The following CBLL1 variants were observed in gnomAD, a reference collection of about 807,000 sequenced individuals.
CBLL1 encodes Cbl proto-oncogene like 1.
A neutral mutation model predicts 44.9 loss-of-function variants in CBLL1; 4 were observed. The observed-to-expected ratio is 0.09, with a 90% CI of 0.04 to 0.20. CBLL1 has a LOEUF of 0.20. Ranked by LOEUF, CBLL1 falls within the 10% of genes least tolerant of loss-of-function variation. The pLI is 1.00. For synonymous variants in CBLL1, 235 were observed against 202.2 expected, an observed-to-expected ratio of 1.16 and a Z score of -1.38; for missense variants, 569 against 636.7, an observed-to-expected ratio of 0.89 and a Z score of 1.14.
At position 107,755,498 on chromosome 7, in the gene CBLL1, T is replaced by C. The variant is rs752856534; in HGVS notation, c.440+7T>C. 39 of 1,497,502 alleles carry C rather than the reference T, an allele frequency of 2.6e-5. No homozygotes were observed. The highest frequency in any genetic ancestry group is 2.7e-5 in the Non-Finnish European group (30 of 1,098,378). The allele number at this position is 1,497,502 out of a possible 1,614,324, so 92.8% of individuals were successfully genotyped here. ...GAGATAAGATGTGTCCAGGGTAAGA[T>C]AAGATTATCATTACCTTTTTTAAAT... On this transcript the variant is annotated splice_region_variant and intron_variant, in intron 5 of 5. Coordinates refer to ENST00000440859, the MANE Select transcript of CBLL1 (RefSeq NM_024814.4).
chr7:107,752,690 A>T (rs1474451236), intron 2 of CBLL1: 13 of 763,174 alleles, frequency 1.7e-5, no homozygotes, highest in Non-Finnish European at 2.4e-5. Context: ...AGTTGAGAAG[A>T]TTGCCATCAA....
At chr7:107,752,067 CG>C (rs1462366336) in intron 2 of CBLL1, among the ~76,000 whole-genome samples, 1 of 151,666 alleles carries the variant, frequency 6.6e-6, no homozygotes, top group Non-Finnish European at 1.5e-5. Flanking sequence ...GGTGTGGTGG[CG>C]GGTGCCTGTA....
At chr7:107,751,287 G>A (rs1793278464) in intron 2 of CBLL1, among the ~76,000 whole-genome samples, 1 of 152,206 alleles carries the variant, frequency 6.6e-6, no homozygotes, top group Non-Finnish European at 1.5e-5. Flanking sequence ...ACGGGAGGCG[G>A]AGGCAGAGGT....
intron 3 of CBLL1, 28 bp downstream of exon 3, chr7:107,753,539 A>G: frequency 1.5e-6 from 2 of 1,294,368 alleles, no homozygotes; most frequent in Non-Finnish European, 1.1e-6. Context: ...AAATTGTATT[A>G]TAACAATAAA....
At chr7:107,746,730 C>G (rs1472825270) in intron 1 of CBLL1, among the ~76,000 whole-genome samples, 5 of 152,070 alleles carry the variant, frequency 3.3e-5, no homozygotes, top group African/African-American at 1.2e-4. Context: ...ATGATCATAC[C>G]GAAACATTCA....
chr7:107,754,427 A>G (rs1211041875), intron 4 of CBLL1, among the ~76,000 whole-genome samples: 33 of 152,100 alleles, frequency 2.2e-4, no homozygotes. Flanking sequence ...AATTATAATC[A>G]TTAAAAAAAT....
intron 5 of CBLL1, among the ~76,000 whole-genome samples, chr7:107,757,099 CAA>C (rs1793560927): frequency 6.6e-6 from 1 of 152,088 alleles, no homozygotes; most frequent in Non-Finnish European, 1.5e-5. Flanking sequence ...AGACACAACT[CAA>C]AATCAAGAGT....
chr7:107,755,199 A>G (rs1161311386), intron 4 of CBLL1, among the ~76,000 whole-genome samples: 1 of 152,158 alleles, frequency 6.6e-6, no homozygotes, highest in Non-Finnish European at 1.5e-5. Context: ...AAGCAAATGC[A>G]TGTGTGTACA....
chr7:107,758,530 G>A lies in CBLL1; in HGVS notation c.828G>A (p.Ser276=), dbSNP rs1480619333. Residue 276 remains serine (S), a synonymous_variant, in exon 6 of 6, where the codon TCG becomes TCA. Coordinates refer to ENST00000440859, the MANE Select transcript of CBLL1 (RefSeq NM_024814.4). This position sits in a 1 kb window ranked among gnomAD's most constrained non-coding sequence, Gnocchi z 4.2. ...CCATGGCTCCACCTCCACCTCGATC[G>A]GTCAGTCAGGAAACCTTTCGTATTT... is the stretch of plus-strand genomic sequence containing the variant. ...ELSMAPPPPR[S]VSQETFRIST... 21 of 1,613,410 alleles carry A rather than the reference G, an allele frequency of 1.3e-5. No homozygotes were observed. The highest frequency in any genetic ancestry group is 4.0e-5 in the African/African-American group (3 of 74,656).
chr7:107,760,866 G>A lies in CBLL1; in HGVS notation c.*1688G>A, dbSNP rs1178788289. ...AGAAGTTAGAAATAACAAAATGGCC[G>A]TTTCAACCTTGACTGGCCAAAAATA... On this transcript the variant is annotated 3_prime_UTR_variant, in exon 6 of 6. Coordinates refer to ENST00000440859, the MANE Select transcript of CBLL1 (RefSeq NM_024814.4). 1 of 151,914 alleles carries A rather than the reference G, an allele frequency of 6.6e-6. No homozygotes were observed. Among genetic ancestry groups the A allele is most frequent in the Non-Finnish European group, 1.5e-5 (1 of 67,826 alleles). The allele number at this position is 151,914 out of a possible 1,614,324, so 9.4% of individuals were successfully genotyped here.
rs753590776 is a variant in CBLL1, at chr7:107,748,938, A to G, written c.72A>G (p.Arg24=). 6.2e-7 allele frequency: 1 copy of G among 1,614,138 alleles called. No homozygotes were observed. Among genetic ancestry groups the G allele is most frequent in the East Asian group, 2.2e-5 (1 of 44,868 alleles). ...SGSLGGLDVR[R]RIPIKLISKQ... ...CCTTGGGTGGTCTTGATGTTCGCAG[A>G]CGAATTCCTATAAAGCTCATCTCCA... is the stretch of plus-strand genomic sequence containing the variant. Residue 24 remains arginine, a synonymous_variant, in exon 2 of 6, where the codon AGA becomes AGG. Coordinates refer to ENST00000440859, the MANE Select transcript of CBLL1 (RefSeq NM_024814.4).
At chr7:107,753,622 A>G (rs1328082880) in intron 3 of CBLL1, 111 bp downstream of exon 3, 1 of 604,688 alleles carries the variant, frequency 1.7e-6, no homozygotes, top group African/African-American at 1.9e-5. Flanking sequence ...TTATGAACTT[A>G]TAACTATGAT....
At chr7:107,754,555 A>G (rs1421843138) in intron 4 of CBLL1, among the ~76,000 whole-genome samples, 1 of 152,208 alleles carries the variant, frequency 6.6e-6, no homozygotes, top group Non-Finnish European at 1.5e-5. Context: ...CTGTGATGGT[A>G]GATGGCATGG....
chr7:107,748,768 A>C, intron 1 of CBLL1, 112 bp from the exon 2 acceptor site: 1 of 858,300 alleles, frequency 1.2e-6, no homozygotes, highest in Non-Finnish European at 1.8e-6. Flanking sequence ...TGAAAATCAG[A>C]ACCCAGATCT....
intron 2 of CBLL1, among the ~76,000 whole-genome samples, chr7:107,751,708 C>G (rs1226083220): frequency 6.6e-6 from 1 of 152,118 alleles, no homozygotes; most frequent in Non-Finnish European, 1.5e-5. Context: ...TCAAACAATG[C>G]AGAAAAGCCA....
In CBLL1 at chr7:107,759,906, G is replaced by A. The variant is rs546724002; in HGVS notation, c.*728G>A. On this transcript the variant is annotated 3_prime_UTR_variant, in exon 6 of 6. Transcript: ENST00000440859. Reference sequence around the variant, plus strand: ...GTTAAAAGACATTACTAATTATTTGGAAAGAGATGGCCAAAATAATCAACT... The same window carrying A: ...GTTAAAAGACATTACTAATTATTTGAAAAGAGATGGCCAAAATAATCAACT... The A allele has an allele frequency of 3.1e-4, 47 of 152,382 alleles. No individual in the cohort carries two copies. Among genetic ancestry groups the A allele is most frequent in the African/African-American group, 1.1e-3 (46 of 41,558 alleles). The allele number at this position is 152,382 out of a possible 1,614,324, so 9.4% of individuals were successfully genotyped here.
chr7:107,758,565 A>G lies in CBLL1; in HGVS notation c.863A>G (p.Lys288Arg). The change falls in exon 6 of 6, where the codon AAA becomes AGA. Residue 288 changes from lysine (K) to arginine (R), a missense_variant. Physicochemically the swap from Lys to Arg is conservative, Grantham distance 26. Transcript: ENST00000440859. This position sits in a 1 kb window ranked among gnomAD's most constrained non-coding sequence, Gnocchi z 4.2. ...GAAACCTTTCGTATTTCAACAAGAA[A>G]ACACAGCAATTTAATAACCGTCCCT... ...SQETFRISTRKHSNLITVPIQ... is the reference protein window; with the variant it reads ...SQETFRISTRRHSNLITVPIQ... The G allele has an allele frequency of 6.2e-7, 1 of 1,614,020 alleles. No homozygotes were observed. The highest frequency in any genetic ancestry group is 8.5e-7 in the Non-Finnish European group (1 of 1,179,986).
rs766048496 is a variant in CBLL1, at chr7:107,753,498, T to C, written c.269T>C (p.Phe90Ser). 2 of 1,576,980 alleles carry C rather than the reference T, an allele frequency of 1.3e-6. No individual in the cohort carries two copies. Among genetic ancestry groups the C allele is most frequent in the Non-Finnish European group, 1.7e-6 (2 of 1,163,558 alleles). The change falls in exon 3 of 6, where the codon TTT becomes TCT. Residue 90 changes from phenylalanine to serine, a missense_variant. Around this residue, in one of 5 missense-constraint regions of CBLL1, gnomAD observed 209 missense variants for 202.8 expected, o/e 1.03. Coordinates refer to ENST00000440859, the MANE Select transcript of CBLL1 (RefSeq NM_024814.4). Reference protein sequence around the residue: ...ANQRRFPGHLFWDFQINILGE... With the variant: ...ANQRRFPGHLSWDFQINILGE... ...CAGCGAAGATTTCCTGGACACCTTT[T>C]TTGGGACTTTCAGGTATAATTAAAA...
At chr7:107,753,660 T>C in intron 3 of CBLL1, 149 bp downstream of exon 3, 1 of 578,028 alleles carries the variant, frequency 1.7e-6, no homozygotes, top group East Asian at 3.2e-5. Flanking sequence ...CATTTGTTAA[T>C]ACTCTATTTT....
Sources: gnomAD v4.1 joint callset for allele counts (sites outside exome capture counted in the v4.1 genomes callset) on GRCh38, gnomAD v4.1.1 for gene constraint, gnomAD v4.1.1 regional missense constraint, Gnocchi (gnomAD v3.1) non-coding constraint, MANE v1.5 for transcripts, NCBI Gene and HGNC (gene_info 2026-07-23, HGNC 2026-07-21) for gene names.